ZKSCAN1: variants seen among roughly 807,000 people sequenced by gnomAD.
ZKSCAN1 encodes the protein zinc finger protein with KRAB and SCAN domains 1.
A neutral mutation model predicts 51.6 loss-of-function variants in ZKSCAN1; 14 were observed. The observed-to-expected ratio is 0.27, with a 90% CI of 0.18 to 0.42. The LOEUF is 0.42. ZKSCAN1 is among the 10% of genes least tolerant of loss of function. The pLI is 1.00. For synonymous variants in ZKSCAN1, 263 were observed against 261.5 expected (o/e 1.01, Z -0.06); for missense variants, 531 against 710.0 (o/e 0.75, Z 2.86).
intron 4 of ZKSCAN1, 132 bp from the exon 5 acceptor site, chr7:100,030,117 C>T (rs1021940639): frequency 1.6e-5 from 23 of 1,453,594 alleles, no homozygotes; most frequent in Non-Finnish European, 3.8e-6. Context: ...CCTCCACCCC[C>T]AGGTTCTGGC....
At position 100,039,552 on chromosome 7, in the gene ZKSCAN1, GA is replaced by G; in HGVS notation, c.*5358del. On this transcript the variant is annotated 3_prime_UTR_variant, in exon 6 of 6. Transcript: ENST00000324306. ...AGGTTTTGCAAAGACTCGTTGCTGTGAAAGAATCTTTTTTTAATTTTTATCC... is the reference window on the plus strand; with the variant it reads ...AGGTTTTGCAAAGACTCGTTGCTGTGAAGAATCTTTTTTTAATTTTTATCC... The G allele has an allele frequency of 1.0e-6, 1 of 985,402 alleles. No homozygotes were observed. The allele number at this position is 985,402 out of a possible 1,614,324, so 61.0% of individuals were successfully genotyped here. A position where few individuals can be genotyped will look rare whatever the true frequency, so the allele number is the denominator to read the frequency against.
In ZKSCAN1 at chr7:100,023,836, G is replaced by A. The variant is rs1790698797; in HGVS notation, c.330G>A (p.Lys110=). ...AGCAGTTTCTTTCCATCCTGCCCAAGGAGCTCCAGGTCTGGCTGCAGGAAT... is the reference window on the plus strand; with the variant it reads ...AGCAGTTTCTTTCCATCCTGCCCAAAGAGCTCCAGGTCTGGCTGCAGGAAT... ...VLEQFLSILP[K]ELQVWLQEYR... is the part of the protein sequence containing the mutation. The change falls in exon 2 of 6, where the codon AAG becomes AAA. Residue 110 remains lysine, a synonymous_variant. Transcript: ENST00000324306. The A allele has an allele frequency of 1.9e-6, 3 of 1,614,054 alleles. No individual in the cohort carries two copies. Among genetic ancestry groups the A allele is most frequent in the Admixed American group, 1.7e-5 (1 of 59,994 alleles).
Position 100,037,217 on chromosome 7 carries a change from G to A in ZKSCAN1, c.*3020G>A. 1.0e-6 allele frequency: 1 copy of A among 985,454 alleles called. No homozygotes were observed. Among genetic ancestry groups the A allele is most frequent in the African/African-American group, 1.7e-5 (1 of 57,368 alleles). 61.0% of individuals were successfully genotyped at this position (985,454 alleles called of 1,614,324 possible). A position where few individuals can be genotyped will look rare whatever the true frequency, so the allele number is the denominator to read the frequency against. On this transcript the variant is annotated 3_prime_UTR_variant, in exon 6 of 6. Coordinates refer to ENST00000324306, the MANE Select transcript of ZKSCAN1 (RefSeq NM_003439.4). ...CTTGGCCCGCTGAAGTCTGTTAACA[G>A]TTGAAACATTCTACAGTTAACCATT... is the stretch of plus-strand genomic sequence containing the variant.
At chr7:100,027,118 G>A (rs925589291) in intron 3 of ZKSCAN1, among the ~76,000 whole-genome samples, 13 of 152,084 alleles carry the variant, frequency 8.5e-5, no homozygotes, top group South Asian at 4.1e-4. Context: ...CCAACATGGC[G>A]AAACGCCGTC....
Position 100,038,651 on chromosome 7 carries a change from T to C in ZKSCAN1, c.*4454T>C. On this transcript the variant is annotated 3_prime_UTR_variant, in exon 6 of 6. Coordinates refer to ENST00000324306, the MANE Select transcript of ZKSCAN1 (RefSeq NM_003439.4). Reference sequence around the variant, plus strand: ...GACTGCTTCAGCTGACCAGGTTCTTTTAAACCGTAGTCATGCTTTCCCACT... The same window carrying C: ...GACTGCTTCAGCTGACCAGGTTCTTCTAAACCGTAGTCATGCTTTCCCACT... 1 of 985,446 alleles carries C rather than the reference T, an allele frequency of 1.0e-6. No homozygotes were observed. Among genetic ancestry groups the C allele is most frequent in the Non-Finnish European group, 1.2e-6 (1 of 829,954 alleles). 61.0% of individuals were successfully genotyped at this position (985,446 alleles called of 1,614,324 possible).
chr7:100,030,571 G>T (rs911372023), intron 5 of ZKSCAN1, among the ~76,000 whole-genome samples, 196 bp downstream of exon 5: 2 of 152,124 alleles, frequency 1.3e-5, no homozygotes, highest in African/African-American at 2.4e-5. Context: ...GATTCCAGGT[G>T]GGTTTTTTAT....
intron 1 of ZKSCAN1, among the ~76,000 whole-genome samples, chr7:100,022,430 A>G (rs1264445213): frequency 1.3e-5 from 2 of 152,254 alleles, no homozygotes; most frequent in African/African-American, 4.8e-5. Flanking sequence ...TCTAAAATGA[A>G]CAACACCTGT....
At position 100,035,905 on chromosome 7, in the gene ZKSCAN1, C is replaced by T. The variant is rs1245944114; in HGVS notation, c.*1708C>T. 2 of 985,232 alleles carry T rather than the reference C, an allele frequency of 2.0e-6. No homozygotes were observed. The highest frequency in any genetic ancestry group is 2.4e-6 in the Non-Finnish European group (2 of 829,954). 61.0% of individuals were successfully genotyped at this position (985,232 alleles called of 1,614,324 possible). On this transcript the variant is annotated 3_prime_UTR_variant, in exon 6 of 6. Transcript: ENST00000324306. ...ACTCAAGTAGGACAAGGGTCCTACC[C>T]AAGGCTAGGACCGCCCTGCGGAAAC...
At position 100,039,420 on chromosome 7, in the gene ZKSCAN1, A is replaced by C; in HGVS notation, c.*5223A>C. 1 of 985,400 alleles carries C rather than the reference A, an allele frequency of 1.0e-6. No homozygotes were observed. Among genetic ancestry groups the C allele is most frequent in the Non-Finnish European group, 1.2e-6 (1 of 829,922 alleles). 61.0% of individuals were successfully genotyped at this position (985,400 alleles called of 1,614,324 possible). ...TGCATCCAGTCGTGGCATTGCAAGAAGTCTGTCTGATGAAGCTCGGGAAGC... is the reference window on the plus strand; with the variant it reads ...TGCATCCAGTCGTGGCATTGCAAGACGTCTGTCTGATGAAGCTCGGGAAGC... On this transcript the variant is annotated 3_prime_UTR_variant, in exon 6 of 6. Transcript: ENST00000324306.
chr7:100,020,417 TAGAA>T (rs1211691045), intron 1 of ZKSCAN1, among the ~76,000 whole-genome samples: 3 of 152,076 alleles, frequency 2.0e-5, no homozygotes, highest in Non-Finnish European at 4.4e-5. Flanking sequence ...TGTAGAGTTT[TAGAA>T]AGAATAATCT....
At chr7:100,042,483 A>G (rs1309003793), downstream of ZKSCAN1, among the ~76,000 whole-genome samples, 1 of 152,052 alleles carries the variant, frequency 6.6e-6, no homozygotes, top group Non-Finnish European at 1.5e-5. Context: ...CATACGATTC[A>G]ATTCAATTCT....
chr7:100,038,458 T>G lies in ZKSCAN1; in HGVS notation c.*4261T>G. The G allele has an allele frequency of 5.1e-6, 5 of 985,452 alleles. No individual in the cohort carries two copies. Among genetic ancestry groups the G allele is most frequent in the Non-Finnish European group, 6.0e-6 (5 of 829,946 alleles). 61.0% of individuals were successfully genotyped at this position (985,452 alleles called of 1,614,324 possible). The stretch of plus-strand genomic sequence containing the variant: ...AAGACAGGCTAATGGGGCACTGAAA[T>G]GGAACAACTCCTTTAAACGTGCAGC... On this transcript the variant is annotated 3_prime_UTR_variant, in exon 6 of 6. Transcript: ENST00000324306.
rs1161261596 is a variant in ZKSCAN1, at chr7:100,037,389, A to G, written c.*3192A>G. Reference sequence around the variant, plus strand: ...GCAAGGCTAAAACCTGAGATTATCGATCTATGAGACATCTTGATATGTAAA... The same window carrying G: ...GCAAGGCTAAAACCTGAGATTATCGGTCTATGAGACATCTTGATATGTAAA... On this transcript the variant is annotated 3_prime_UTR_variant, in exon 6 of 6. Transcript: ENST00000324306. The G allele has an allele frequency of 1.0e-6, 1 of 985,320 alleles. No homozygotes were observed. Among genetic ancestry groups the G allele is most frequent in the African/African-American group, 1.7e-5 (1 of 57,240 alleles). The allele number at this position is 985,320 out of a possible 1,614,324, so 61.0% of individuals were successfully genotyped here.
Position 100,030,273 on chromosome 7 carries a change from G to A in ZKSCAN1, c.697G>A (p.Ala233Thr). 1 of 1,614,142 alleles carries A rather than the reference G, an allele frequency of 6.2e-7. No individual in the cohort carries two copies. The highest frequency in any genetic ancestry group is 1.3e-5 in the African/African-American group (1 of 75,040). ...SQAMVKIEDM[A>T]VSLILEEWGC... ...GGCAATGGTGAAGATCGAGGACATG[G>A]CTGTGTCCCTCATTCTGGAGGAATG... The change falls in exon 5 of 6, where the codon GCT becomes ACT. Residue 233 changes from alanine to threonine, a missense_variant. Ala to Thr is a moderately conservative substitution (Grantham distance 58, BLOSUM62 0). Transcript: ENST00000324306.
chr7:100,033,576 C>G lies in ZKSCAN1; in HGVS notation c.1071C>G (p.Ser357Arg). Reference protein sequence around the residue: ...PREKGKGLGRSFSLSSNFTTP... With the variant: ...PREKGKGLGRRFSLSSNFTTP... ...AGAAGGGGAAAGGATTGGGAAGAAG[C>G]TTCAGTCTGAGCTCCAACTTCACCA... The change falls in exon 6 of 6, where the codon AGC (serine) becomes AGG (arginine). Residue 357 changes from serine (S) to arginine (R), a missense_variant. Coordinates refer to ENST00000324306, the MANE Select transcript of ZKSCAN1 (RefSeq NM_003439.4). This position sits in a 1 kb window ranked among gnomAD's most constrained non-coding sequence, Gnocchi z 4.1. 6.2e-7 allele frequency: 1 copy of G among 1,614,146 alleles called. No homozygotes were observed. The highest frequency in any genetic ancestry group is 8.5e-7 in the Non-Finnish European group (1 of 1,180,022).
At chr7:100,018,203 A>G (rs752323649) in intron 1 of ZKSCAN1, among the ~76,000 whole-genome samples, 134 of 152,070 alleles carry the variant, frequency 8.8e-4, no homozygotes, top group Non-Finnish European at 2.1e-4. Flanking sequence ...AGTCCATGGA[A>G]CAAATTTGAG....
At chr7:100,017,112 TC>T (rs1309242585) in intron 1 of ZKSCAN1, among the ~76,000 whole-genome samples, 1 of 152,194 alleles carries the variant, frequency 6.6e-6, no homozygotes, top group Non-Finnish European at 1.5e-5. Flanking sequence ...TGTGGGAGTA[TC>T]AATATTCTTT....
chr7:100,040,531 C>A lies in ZKSCAN1; in HGVS notation c.*6334C>A. 1.0e-6 allele frequency: 1 copy of A among 985,392 alleles called. No individual in the cohort carries two copies. Among genetic ancestry groups the A allele is most frequent in the African/African-American group, 1.7e-5 (1 of 57,342 alleles). 61.0% of individuals were successfully genotyped at this position (985,392 alleles called of 1,614,324 possible). A position where few individuals can be genotyped will look rare whatever the true frequency, so the allele number is the denominator to read the frequency against. The stretch of plus-strand genomic sequence containing the variant: ...AGGTGATATTTAAAAACTTGGATTT[C>A]ATTCCAGTGTCAGGTTTGGGTTTTA... On this transcript the variant is annotated 3_prime_UTR_variant, in exon 6 of 6. Transcript: ENST00000324306.
At position 100,037,055 on chromosome 7, in the gene ZKSCAN1, G is replaced by A. The variant is rs544976579; in HGVS notation, c.*2858G>A. The A allele has an allele frequency of 2.7e-4, 264 of 985,362 alleles. No individual in the cohort carries two copies. The African/African-American group carries it at 4.3e-3, about 16-fold the overall frequency. The allele number at this position is 985,362 out of a possible 1,614,324, so 61.0% of individuals were successfully genotyped here. ...GCTATTTGAAGATGTGTTTTCTGAG[G>A]AAAACAGGCTACAACTGTTTATTAA... On this transcript the variant is annotated 3_prime_UTR_variant, in exon 6 of 6. Coordinates refer to ENST00000324306, the MANE Select transcript of ZKSCAN1 (RefSeq NM_003439.4).
Sources: allele counts gnomAD v4.1 joint callset (sites outside exome capture counted in the v4.1 genomes callset), GRCh38; gene constraint gnomAD v4.1.1; non-coding constraint Gnocchi (gnomAD v3.1); transcripts MANE v1.5; gene names NCBI Gene and HGNC (gene_info 2026-07-23, HGNC 2026-07-21).